Variants in TIMM9 observed in about 807,000 individuals in gnomAD.
TIMM9 encodes translocase of inner mitochondrial membrane 9, also known as mitochondrial import inner membrane translocase subunit Tim9.
A neutral mutation model predicts 13.4 loss-of-function variants in TIMM9; 10 were observed. That is an observed-to-expected ratio of 0.75 (90% CI 0.46 to 1.26). The LOEUF (loss-of-function observed/expected upper bound fraction) is 1.26. Ranked by LOEUF, TIMM9 falls within the 50% of genes most tolerant of loss-of-function variation. The pLI is 0.00. For synonymous variants in TIMM9, 32 were observed against 32.1 expected (o/e 1.00, Z 0.01); for missense variants, 87 against 100.8 (o/e 0.86, Z 0.58).
At chr14:58,415,282 A>G (rs1176093790) in intron 3 of TIMM9, among the ~76,000 whole-genome samples, 2 of 152,208 alleles carry the variant, frequency 1.3e-5, no homozygotes, top group Non-Finnish European at 2.9e-5. Context: ...GAGCCTCATA[A>G]CATGATATGC....
chr14:58,409,870 G>A (rs560929704), intron 5 of TIMM9, among the ~76,000 whole-genome samples: 20 of 152,038 alleles, frequency 1.3e-4, no homozygotes, highest in South Asian at 8.3e-4. Context: ...GAGCCACCGC[G>A]CCCAGCCTAT....
At chr14:58,415,524 A>G (rs2036378208) in intron 3 of TIMM9, among the ~76,000 whole-genome samples, 1 of 152,226 alleles carries the variant, frequency 6.6e-6, no homozygotes, top group Non-Finnish European at 1.5e-5. Flanking sequence ...GAAGATATCA[A>G]GACCCAAATG....
chr14:58,422,545 C>T (rs557156395), intron 3 of TIMM9, among the ~76,000 whole-genome samples: 3 of 152,230 alleles, frequency 2.0e-5, no homozygotes, highest in East Asian at 3.9e-4. Context: ...TCTGAAAAGA[C>T]ATATATGAGG....
In TIMM9 at chr14:58,408,973, T is replaced by G; in HGVS notation, c.*61A>C. 3 of 1,581,760 alleles carry G rather than the reference T, an allele frequency of 1.9e-6. No homozygotes were observed. The highest frequency in any genetic ancestry group is 1.9e-5 in the Admixed American group (1 of 52,716). Reference sequence around the variant, plus strand: ...TCAGGGGATTCTATCAGATGAGTCCTCATTTCCAATAAAGCAGCTGTTGGC... The same window carrying G: ...TCAGGGGATTCTATCAGATGAGTCCGCATTTCCAATAAAGCAGCTGTTGGC... On this transcript the variant is annotated 3_prime_UTR_variant, in exon 6 of 6. Coordinates refer to ENST00000395159, the MANE Select transcript of TIMM9 (RefSeq NM_012460.4).
rs550364003 is a variant in TIMM9 at position 58,410,924 on chromosome 14, C to T, written c.54G>A (p.Leu18=). ...TCTCTGTAAGTTTATTGTAGGTCCC[C>T]AGAAATTCCTTAAACTACAAACAAA... ...SDQIKQFKEF[L]GTYNKLTETC... is the part of the protein sequence containing the mutation. The change falls in exon 5 of 6, where the codon CTG becomes CTA. Residue 18 remains leucine (L), a synonymous_variant. Transcript: ENST00000395159. 2.2e-5 allele frequency: 36 copies of T among 1,612,304 alleles called. No individual in the cohort carries two copies. The South Asian group carries it at 3.8e-4, about 17-fold the overall frequency.
chr14:58,420,322 C>T (rs1329545162), intron 3 of TIMM9, among the ~76,000 whole-genome samples: 1 of 151,920 alleles, frequency 6.6e-6, no homozygotes, highest in Non-Finnish European at 1.5e-5. Context: ...TGACAAAGAA[C>T]TAATAAGCAG....
chr14:58,415,152 G>A (rs1394710885), intron 3 of TIMM9, among the ~76,000 whole-genome samples: 1 of 152,176 alleles, frequency 6.6e-6, no homozygotes, highest in African/African-American at 2.4e-5. Context: ...CCCTTCAAGT[G>A]TCAGAGTGAG....
chr14:58,420,727 A>G (rs1048835692), intron 3 of TIMM9, among the ~76,000 whole-genome samples: 1 of 133,426 alleles, frequency 7.5e-6, no homozygotes, highest in African/African-American at 2.8e-5. Flanking sequence ...CAGGAGGTGG[A>G]GGTTGCAGTG....
In TIMM9 at chr14:58,408,951, G is replaced by T; in HGVS notation, c.*83C>A. ...TTGAACATGGTGGCTACTGCTTTCAGGGGATTCTATCAGATGAGTCCTCAT... is the reference window on the plus strand; with the variant it reads ...TTGAACATGGTGGCTACTGCTTTCATGGGATTCTATCAGATGAGTCCTCAT... On this transcript the variant is annotated 3_prime_UTR_variant, in exon 6 of 6. Transcript: ENST00000395159. 6.5e-7 allele frequency: 1 copy of T among 1,536,256 alleles called. No homozygotes were observed. Among genetic ancestry groups the T allele is most frequent in the South Asian group, 1.3e-5 (1 of 77,874 alleles).
intron 3 of TIMM9, among the ~76,000 whole-genome samples, chr14:58,416,045 G>A (rs1392220803): frequency 2.7e-5 from 4 of 146,212 alleles, no homozygotes; most frequent in East Asian, 4.0e-4. Flanking sequence ...GTGAAACCCC[G>A]TCCCTACTGA....
At position 58,417,463 on chromosome 14, in the gene TIMM9, T is replaced by C. The variant is rs138276231; in HGVS notation, c.-26-5492A>G. On this transcript the variant is annotated intron_variant, in intron 3 of 5. Coordinates refer to ENST00000395159, the MANE Select transcript of TIMM9 (RefSeq NM_012460.4). Reference sequence around the variant, plus strand: ...CTGCAGTGAGCTATGATCATGCCATTGCATTCCAGCTCAGATAAAACAGCA... The same window carrying C: ...CTGCAGTGAGCTATGATCATGCCATCGCATTCCAGCTCAGATAAAACAGCA... Among the ~76,000 whole-genome samples, 484 of 136,722 alleles carry C rather than the reference T, an allele frequency of 3.5e-3. 11 individuals carry two copies. The highest frequency in any genetic ancestry group is 0.013 in the African/African-American group (467 of 36,274). 89.7% of individuals were successfully genotyped at this position (136,722 alleles called of 152,430 possible).
chr14:58,411,446 C>CA (rs1176271404), intron 4 of TIMM9, among the ~76,000 whole-genome samples: 68 of 133,334 alleles, frequency 5.1e-4, no homozygotes, highest in African/African-American at 8.8e-4. Flanking sequence ...AGACTGTGTC[C>CA]AAAAAAAAAA....
At chr14:58,424,380 TAAG>T (rs1566755494) in intron 2 of TIMM9, among the ~76,000 whole-genome samples, 1 of 152,178 alleles carries the variant, frequency 6.6e-6, no homozygotes, top group African/African-American at 2.4e-5. Context: ...TCAGAAATCT[TAAG>T]AAACTTACAT....
At position 58,409,242 on chromosome 14, in the gene TIMM9, A is replaced by G. The variant is rs531530437; in HGVS notation, c.136-74T>C. 183 of 1,543,360 alleles carry G rather than the reference A, an allele frequency of 1.2e-4. 2 individuals are homozygous for G. The South Asian group carries it at 2.1e-3, about 18-fold the overall frequency. On this transcript the variant is annotated intron_variant, in intron 5 of 5. Transcript: ENST00000395159. ...TTTTAAAATGCATGTATTCTAAAAGAATCAGTGGGGTAGTTTGCTTTTCTT... is the reference window on the plus strand; with the variant it reads ...TTTTAAAATGCATGTATTCTAAAAGGATCAGTGGGGTAGTTTGCTTTTCTT...
intron 3 of TIMM9, among the ~76,000 whole-genome samples, chr14:58,414,790 C>T (rs1396763937): frequency 2.0e-5 from 3 of 150,218 alleles, no homozygotes; most frequent in African/African-American, 7.3e-5. Context: ...TAACTACTGA[C>T]ATTTAAAAAA....
intron 3 of TIMM9, among the ~76,000 whole-genome samples, chr14:58,415,904 AATAG>A (rs1375521209): frequency 6.6e-6 from 1 of 152,134 alleles, no homozygotes; most frequent in Non-Finnish European, 1.5e-5. Flanking sequence ...ATCGACACAT[AATAG>A]TCAAACATCT....
At chr14:58,423,740 A>T (rs1424140272) in intron 3 of TIMM9, 3 of 152,200 alleles carry the variant, frequency 2.0e-5, no homozygotes, top group Non-Finnish European at 4.4e-5. Flanking sequence ...AACAGGTAGC[A>T]GTAATGTGGT....
chr14:58,408,812 T>C lies in TIMM9; in HGVS notation c.*222A>G, dbSNP rs2036114885. The C allele has an allele frequency of 4.3e-6, 3 of 696,774 alleles. No individual in the cohort carries two copies. The highest frequency in any genetic ancestry group is 6.9e-6 in the Non-Finnish European group (3 of 436,884). The allele number at this position is 696,774 out of a possible 1,614,324, so 43.2% of individuals were successfully genotyped here. A position where few individuals can be genotyped will look rare whatever the true frequency, so the allele number is the denominator to read the frequency against. ...TGCTGAATCATAAGGCCTCAACAAATGTTGCATCTTATTATTTCACTGAAC... is the reference window on the plus strand; with the variant it reads ...TGCTGAATCATAAGGCCTCAACAAACGTTGCATCTTATTATTTCACTGAAC... On this transcript the variant is annotated 3_prime_UTR_variant, in exon 6 of 6. Coordinates refer to ENST00000395159, the MANE Select transcript of TIMM9 (RefSeq NM_012460.4).
At chr14:58,419,286 T>C (rs2036510902) in intron 3 of TIMM9, among the ~76,000 whole-genome samples, 1 of 152,046 alleles carries the variant, frequency 6.6e-6, no homozygotes, top group African/African-American at 2.4e-5. Context: ...AGACCTTGTC[T>C]GTACAAATAA....
Sources: gnomAD v4.1 joint callset for allele counts (sites outside exome capture counted in the v4.1 genomes callset) on GRCh38, gnomAD v4.1.1 for gene constraint, MANE v1.5 for transcripts, NCBI Gene and HGNC (gene_info 2026-07-23, HGNC 2026-07-21) for gene names.